The following ADGRB2 variants were observed in gnomAD, a reference collection of about 807,000 sequenced individuals.
ADGRB2 encodes brain-specific angiogenesis inhibitor 2.
Under a neutral mutation model 178.7 loss-of-function variants are expected in ADGRB2, and 47 were observed. The observed-to-expected ratio is 0.26, with a 90% CI of 0.21 to 0.34. The LOEUF (loss-of-function observed/expected upper bound fraction) is 0.34. Among genes scored for constraint, ADGRB2 ranks in the 10% least tolerant of loss-of-function variants. The probability of loss-of-function intolerance (pLI) is 1.00; values close to 1 mark genes in which losing one functional copy is unlikely to be tolerated. For synonymous variants in ADGRB2, 870 were observed against 912.4 expected, an observed-to-expected ratio of 0.95 and a Z score of 0.84; for missense variants, 1,584 against 2,180.8, an observed-to-expected ratio of 0.73 and a Z score of 5.45.
chr1:31,746,187 C>T (rs991166158), intron 4 of ADGRB2, among the ~76,000 whole-genome samples: 1 of 152,304 alleles, frequency 6.6e-6, no homozygotes, highest in East Asian at 1.9e-4. Context: ...ACGTGAGGAC[C>T]CCCTGCCAGG....
chr1:31,730,971 G>C lies in ADGRB2; in HGVS notation c.4209C>G (p.His1403Gln). 5 of 1,564,378 alleles carry C rather than the reference G, an allele frequency of 3.2e-6. No individual in the cohort carries two copies. Among genetic ancestry groups the C allele is most frequent in the Non-Finnish European group, 4.3e-6 (5 of 1,152,144 alleles). ...EGYPSFLSVD[H>Q]SGLGLGPAYG... The stretch of plus-strand genomic sequence containing the variant: ...AGGCAGGGCCCAGCCCCAGGCCCGA[G>C]TGGTCCACGGACAGGAAGCTGGGGT... Residue 1403 changes from histidine to glutamine, a missense_variant, in exon 29 of 33, where the codon CAC (histidine) becomes CAG (glutamine). Around this residue, in one of 3 missense-constraint regions of ADGRB2, gnomAD observed 865 missense variants for 1,192.8 expected, o/e 0.73. Transcript: ENST00000373658.
Position 31,727,911 on chromosome 1 carries a change from C to T in ADGRB2, c.4572+114G>A. Reference sequence around the variant, plus strand: ...AGGCGGCCCCAGACTGTTGCCCATGCCGTGGGGGAGGCCCTTGGTGAGACA... The same window carrying T: ...AGGCGGCCCCAGACTGTTGCCCATGTCGTGGGGGAGGCCCTTGGTGAGACA... On this transcript the variant is annotated intron_variant, in intron 32 of 32. Transcript: ENST00000373658. This position sits in a 1 kb window ranked among gnomAD's most constrained non-coding sequence, Gnocchi z 4.4. 7.4e-7 allele frequency: 1 copy of T among 1,348,526 alleles called. No individual in the cohort carries two copies. The allele number at this position is 1,348,526 out of a possible 1,614,324, so 83.5% of individuals were successfully genotyped here.
rs1480618554 is a variant in ADGRB2, at chr1:31,758,987, G to T, written c.-190-1476C>A. Among the ~76,000 whole-genome samples the T allele has an allele frequency of 6.6e-6, 1 of 152,196 alleles. No homozygotes were observed. The highest frequency in any genetic ancestry group is 2.4e-5 in the African/African-American group (1 of 41,430). ...CCGCAAAATTCAGGCCATGGCTGCG[G>T]CTCAGTGGAGGGGAGGTAGGGGCTC... On this transcript the variant is annotated intron_variant, in intron 1 of 32. Coordinates refer to ENST00000373658, the MANE Select transcript of ADGRB2 (RefSeq NM_001364857.2). The surrounding 1 kb of genome is among the most constrained non-coding windows in gnomAD (Gnocchi z 4.2).
intron 15 of ADGRB2, 66 bp downstream of exon 15, chr1:31,739,242 C>T: frequency 2.1e-6 from 3 of 1,402,692 alleles, no homozygotes; most frequent in Non-Finnish European, 2.8e-6. Context: ...CTGGCTCAGT[C>T]CTCCTTCCCT....
chr1:31,731,189 C>T lies in ADGRB2; in HGVS notation c.3991G>A (p.Gly1331Ser). 1 of 1,599,108 alleles carries T rather than the reference C, an allele frequency of 6.3e-7. No homozygotes were observed. Among genetic ancestry groups the T allele is most frequent in the Non-Finnish European group, 8.5e-7 (1 of 1,173,584 alleles). Residue 1331 changes from glycine to serine, a missense_variant, in exon 29 of 33, where the codon GGC becomes AGC. By Grantham distance (56) the Gly-to-Ser change is moderately conservative. Coordinates refer to ENST00000373658, the MANE Select transcript of ADGRB2 (RefSeq NM_001364857.2). ...CATGTGAGGTCCAGCTGCCGCAGGC[C>T]ACCCTCCCCACACATGTAAACAGGG... ...ANPVYMCGEG[G>S]LRQLDLTWLR...
Position 31,734,975 on chromosome 1 carries a change from G to A in ADGRB2, c.3452+208C>T, listed in dbSNP as rs142478747. ...GGATCCAAGGGTGGGCGAAGGAACC[G>A]GGCACCTGTGGGAGGCACAGACATC... is the stretch of plus-strand genomic sequence containing the variant. On this transcript the variant is annotated intron_variant, in intron 25 of 32. Transcript: ENST00000373658. Among the ~76,000 whole-genome samples the A allele has an allele frequency of 8.5e-3, 1,295 of 152,296 alleles. 92 individuals are homozygous for A. Among genetic ancestry groups the A allele is most frequent in the Admixed American group, 0.077 (1,173 of 15,306 alleles).
chr1:31,763,452 C>A (rs1174038115), intron 1 of ADGRB2, among the ~76,000 whole-genome samples: 1 of 140,188 alleles, frequency 7.1e-6, no homozygotes, highest in South Asian at 2.2e-4. Context: ...GGCATTCAGA[C>A]CGTGACGGGA....
At position 31,727,889 on chromosome 1, in the gene ADGRB2, C is replaced by G; in HGVS notation, c.4572+136G>C. On this transcript the variant is annotated intron_variant, in intron 32 of 32. Coordinates refer to ENST00000373658, the MANE Select transcript of ADGRB2 (RefSeq NM_001364857.2). The surrounding 1 kb of genome is among the most constrained non-coding windows in gnomAD (Gnocchi z 4.4). ...CTGCAGCACCTTCCCCACCCCCAGG[C>G]GGCCCCAGACTGTTGCCCATGCCGT... 8.3e-7 allele frequency: 1 copy of G among 1,198,482 alleles called. No homozygotes were observed. Among genetic ancestry groups the G allele is most frequent in the Non-Finnish European group, 1.1e-6 (1 of 881,216 alleles). The allele number at this position is 1,198,482 out of a possible 1,614,324, so 74.2% of individuals were successfully genotyped here.
rs371191923 is a variant in ADGRB2, at chr1:31,737,441, C to T, written c.2967G>A (p.Arg989=). 5.0e-6 allele frequency: 8 copies of T among 1,613,984 alleles called. No homozygotes were observed. The African/African-American group carries it at 9.3e-5, about 19-fold the overall frequency. Residue 989 remains arginine, a synonymous_variant, in exon 20 of 33, where the codon CGG becomes CGA. Coordinates refer to ENST00000373658, the MANE Select transcript of ADGRB2 (RefSeq NM_001364857.2). ...SNILILVGQS[R]VLSKGVCTMT... is the part of the protein sequence containing the mutation. ...AGTCTGCACCTGCCTTGCTCAGCAC[C>T]CGGGACTGGCCCACGAGGATCAGGA...
At position 31,728,824 on chromosome 1, in the gene ADGRB2, A is replaced by ACACG. The variant is rs1473970482; in HGVS notation, c.4381-192_4381-191insCGTG. Among the ~76,000 whole-genome samples, 2 of 150,606 alleles carry ACACG rather than the reference A, an allele frequency of 1.3e-5. No individual in the cohort carries two copies. The highest frequency in any genetic ancestry group is 1.3e-4 in the Admixed American group (2 of 15,126). ...ACTGAACACACACACACACACACAC[A>ACACG]CACACACACACACACACACACACGT... is the stretch of plus-strand genomic sequence containing the variant. On this transcript the variant is annotated intron_variant, in intron 29 of 32. Transcript: ENST00000373658. This position sits in a 1 kb window ranked among gnomAD's most constrained non-coding sequence, Gnocchi z 6.7.
Position 31,735,319 on chromosome 1 carries a change from C to A in ADGRB2, c.3354-38G>T. 6.9e-7 allele frequency: 1 copy of A among 1,443,414 alleles called. No individual in the cohort carries two copies. Among genetic ancestry groups the A allele is most frequent in the Non-Finnish European group, 9.3e-7 (1 of 1,073,480 alleles). 89.4% of individuals were successfully genotyped at this position (1,443,414 alleles called of 1,614,324 possible). A position where few individuals can be genotyped will look rare whatever the true frequency, so the allele number is the denominator to read the frequency against. On this transcript the variant is annotated intron_variant, in intron 24 of 32. Transcript: ENST00000373658. This position sits in a 1 kb window ranked among gnomAD's most constrained non-coding sequence, Gnocchi z 6.0. ...ACAGACATGGGAGAAGGAGGGGAAACACATGGGAAGCCGGGAGATGGGGCA... is the reference window on the plus strand; with the variant it reads ...ACAGACATGGGAGAAGGAGGGGAAAAACATGGGAAGCCGGGAGATGGGGCA...
At chr1:31,748,760 C>T (rs1178015707) in intron 4 of ADGRB2, among the ~76,000 whole-genome samples, 1 of 152,264 alleles carries the variant, frequency 6.6e-6, no homozygotes, top group Non-Finnish European at 1.5e-5. Context: ...GGACACACTT[C>T]CCCACTTGAC....
At chr1:31,747,464 T>C (rs1646336029) in intron 4 of ADGRB2, among the ~76,000 whole-genome samples, 1 of 152,056 alleles carries the variant, frequency 6.6e-6, no homozygotes, top group South Asian at 2.1e-4. Context: ...TACTTGCTTG[T>C]TTCCCCACCC....
In ADGRB2 at chr1:31,728,803, A is replaced by AACGCACACACACACACACACACACAC. The variant is rs1645128568; in HGVS notation, c.4381-171_4381-170insGTGTGTGTGTGTGTGTGTGTGTGCGT. Among the ~76,000 whole-genome samples the AACGCACACACACACACACACACACAC allele has an allele frequency of 8.7e-6, 1 of 115,436 alleles. No individual in the cohort carries two copies. 75.7% of individuals were successfully genotyped at this position (115,436 alleles called of 152,430 possible). A position where few individuals can be genotyped will look rare whatever the true frequency, so the allele number is the denominator to read the frequency against. On this transcript the variant is annotated intron_variant, in intron 29 of 32. Transcript: ENST00000373658. This position sits in a 1 kb window ranked among gnomAD's most constrained non-coding sequence, Gnocchi z 6.7. ...TGGGGCAGCTTTTCAGGCCTCACTGAACACACACACACACACACACACACA... is the reference window on the plus strand; with the variant it reads ...TGGGGCAGCTTTTCAGGCCTCACTGAACGCACACACACACACACACACACACACACACACACACACACACACACACA...
intron 27 of ADGRB2, 33 bp from the exon 28 acceptor site, chr1:31,732,187 A>G (rs1172499219): frequency 1.9e-6 from 3 of 1,613,844 alleles, no homozygotes; most frequent in African/African-American, 2.7e-5. Context: ...AGGTGGGCAG[A>G]GGGAGGATTA....
Position 31,757,422 on chromosome 1 carries a change from C to T in ADGRB2, c.-101G>A. ...GGAGAGAAAGGGGCGGAGTTACAGC[C>T]AGTGTGCCAGGAACTGCGCACAACC... On this transcript the variant is annotated 5_prime_UTR_variant, in exon 2 of 33. Coordinates refer to ENST00000373658, the MANE Select transcript of ADGRB2 (RefSeq NM_001364857.2). The T allele has an allele frequency of 1.4e-6, 1 of 694,332 alleles. No individual in the cohort carries two copies. Among genetic ancestry groups the T allele is most frequent in the East Asian group, 2.7e-5 (1 of 36,564 alleles). 43.0% of individuals were successfully genotyped at this position (694,332 alleles called of 1,614,324 possible). A position where few individuals can be genotyped will look rare whatever the true frequency, so the allele number is the denominator to read the frequency against.
chr1:31,740,263 A>G lies in ADGRB2; in HGVS notation c.1989+84T>C. 4 of 1,607,550 alleles carry G rather than the reference A, an allele frequency of 2.5e-6. No homozygotes were observed. Among genetic ancestry groups the G allele is most frequent in the Non-Finnish European group, 3.4e-6 (4 of 1,175,782 alleles). Reference sequence around the variant, plus strand: ...CACTATAGCCACACTTGCCGCCTCTACAGCAGACTCTGCCTAGGGGCCTGG... The same window carrying G: ...CACTATAGCCACACTTGCCGCCTCTGCAGCAGACTCTGCCTAGGGGCCTGG... On this transcript the variant is annotated intron_variant, in intron 12 of 32. Coordinates refer to ENST00000373658, the MANE Select transcript of ADGRB2 (RefSeq NM_001364857.2). The surrounding 1 kb of genome is among the most constrained non-coding windows in gnomAD (Gnocchi z 5.9).
chr1:31,744,809 T>C lies in ADGRB2; in HGVS notation c.839-78A>G, dbSNP rs1299080347. ...TACAGTGGCACAGTGAAGGCAGCCT[T>C]CCTTGCCCTCCGCCTGAGGGCCTGG... On this transcript the variant is annotated intron_variant, in intron 4 of 32. Coordinates refer to ENST00000373658, the MANE Select transcript of ADGRB2 (RefSeq NM_001364857.2). The surrounding 1 kb of genome is among the most constrained non-coding windows in gnomAD (Gnocchi z 6.7). The C allele has an allele frequency of 6.9e-7, 1 of 1,457,088 alleles. No individual in the cohort carries two copies. Among genetic ancestry groups the C allele is most frequent in the Admixed American group, 1.7e-5 (1 of 57,526 alleles). 90.3% of individuals were successfully genotyped at this position (1,457,088 alleles called of 1,614,324 possible). A position where few individuals can be genotyped will look rare whatever the true frequency, so the allele number is the denominator to read the frequency against.
intron 1 of ADGRB2, 39 bp downstream of exon 1, chr1:31,763,845 G>C (rs1647123365): frequency 3.0e-6 from 3 of 985,074 alleles, no homozygotes; most frequent in Non-Finnish European, 3.6e-6. Context: ...GGCAGGGCTC[G>C]GTGCGAGGCC....
Sources: allele counts gnomAD v4.1 joint callset (sites outside exome capture counted in the v4.1 genomes callset), GRCh38; gene constraint gnomAD v4.1.1; regional missense constraint gnomAD v4.1.1; non-coding constraint Gnocchi (gnomAD v3.1); transcripts MANE v1.5; gene names NCBI Gene and HGNC (gene_info 2026-07-23, HGNC 2026-07-21).